PPAT: variants seen among roughly 807,000 people sequenced by gnomAD.
The protein encoded by PPAT is phosphoribosyl pyrophosphate amidotransferase.
Under a neutral mutation model 60.2 loss-of-function variants are expected in PPAT, and 20 were observed. The ratio of observed to expected loss-of-function variants is 0.33; its 90% CI spans 0.23 to 0.48. PPAT has a LOEUF of 0.48. Ranked by LOEUF, PPAT falls within the 20% of genes least tolerant of loss-of-function variation. The pLI is 0.99. For missense variants in PPAT, 349 were observed against 629.6 expected (o/e 0.55, Z 4.77); for synonymous variants, 194 against 215.1 (o/e 0.90, Z 0.86).
chr4:56,396,572 G>A lies in PPAT; in HGVS notation c.1357+47C>T, dbSNP rs939922576. 6.5e-7 allele frequency: 1 copy of A among 1,536,930 alleles called. No homozygotes were observed. The highest frequency in any genetic ancestry group is 2.3e-5 in the East Asian group (1 of 44,314). ...AAGGTGTAAAGACTGTCAAGCTTTG[G>A]ATTTTCTCTGTTAATAATCAAAGTT... On this transcript the variant is annotated intron_variant, in intron 10 of 10. Coordinates refer to ENST00000264220, the MANE Select transcript of PPAT (RefSeq NM_002703.5). This position sits in a 1 kb window ranked among gnomAD's most constrained non-coding sequence, Gnocchi z 4.6.
At chr4:56,425,012 A>G (rs961435718) in intron 1 of PPAT, among the ~76,000 whole-genome samples, 3 of 152,212 alleles carry the variant, frequency 2.0e-5, no homozygotes, top group African/African-American at 7.2e-5. Flanking sequence ...ATCACAAGTG[A>G]AATACCTCAA....
chr4:56,409,584 A>G (rs918751853), intron 1 of PPAT, among the ~76,000 whole-genome samples: 4 of 152,206 alleles, frequency 2.6e-5, no homozygotes, highest in Admixed American at 2.6e-4. Context: ...CAAAATCTAG[A>G]CTGAAGGTAG....
At chr4:56,418,447 A>G (rs568883895) in intron 1 of PPAT, among the ~76,000 whole-genome samples, 7 of 152,088 alleles carry the variant, frequency 4.6e-5, no homozygotes, top group African/African-American at 1.7e-4. Flanking sequence ...AGCCTCCCAA[A>G]TACCTGAGAC....
chr4:56,426,233 T>C (rs1444795969), intron 1 of PPAT, among the ~76,000 whole-genome samples: 1 of 152,026 alleles, frequency 6.6e-6, no homozygotes. Flanking sequence ...AAACCCCATC[T>C]CTACTAAAAA....
At chr4:56,410,394 G>C in intron 1 of PPAT, 2 of 307,568 alleles carry the variant, frequency 6.5e-6, no homozygotes, top group Non-Finnish European at 9.5e-6. Context: ...CCCTCAGGCA[G>C]CTTGAACCAG....
At chr4:56,415,895 C>T (rs938749523) in intron 1 of PPAT, among the ~76,000 whole-genome samples, 1 of 152,046 alleles carries the variant, frequency 6.6e-6, no homozygotes, top group Non-Finnish European at 1.5e-5. Flanking sequence ...CATGGTGAAA[C>T]CTCGTGTCTA....
At chr4:56,409,307 C>A (rs921287725) in intron 1 of PPAT, among the ~76,000 whole-genome samples, 3 of 152,188 alleles carry the variant, frequency 2.0e-5, no homozygotes, top group Non-Finnish European at 4.4e-5. Flanking sequence ...AACCTCTACT[C>A]TTTATAACCC....
Position 56,410,899 on chromosome 4 carries a change from TAAAAAAAAAAAA to T in PPAT, c.129-3195_129-3184del, listed in dbSNP as rs35668849. The T allele has an allele frequency of 1.9e-3, 1,317 of 677,478 alleles. 1 individual carries two copies. Among genetic ancestry groups the T allele is most frequent in the Non-Finnish European group, 2.1e-3 (1,223 of 596,286 alleles). The allele number at this position is 677,478 out of a possible 1,614,324, so 42.0% of individuals were successfully genotyped here. ...GTACAGCCCCAGAGACCACTGAAGG[TAAAAAAAAAAAA>T]AAAAAAAAAAAAAAAAAGAAAAGTA... On this transcript the variant is annotated intron_variant, in intron 1 of 10. Coordinates refer to ENST00000264220, the MANE Select transcript of PPAT (RefSeq NM_002703.5).
chr4:56,419,862 C>G, intron 1 of PPAT: 1 of 984,676 alleles, frequency 1.0e-6, no homozygotes, highest in Non-Finnish European at 1.2e-6. Flanking sequence ...ATACAAAAAC[C>G]TAAAACACGA....
At chr4:56,409,119 G>A (rs1578119491) in intron 1 of PPAT, among the ~76,000 whole-genome samples, 2 of 152,136 alleles carry the variant, frequency 1.3e-5, no homozygotes, top group South Asian at 2.1e-4. Context: ...GATAGCATGC[G>A]TGATATAATT....
chr4:56,407,768 T>C (rs755966322), intron 1 of PPAT, 52 bp from the exon 2 acceptor site: 2 of 1,365,544 alleles, frequency 1.5e-6, no homozygotes, highest in African/African-American at 1.4e-5. Context: ...GATTAGCTTC[T>C]TGAAGAACTT....
At chr4:56,410,933 A>G (rs1168625791) in intron 1 of PPAT, 2 of 936,370 alleles carry the variant, frequency 2.1e-6, no homozygotes, top group Non-Finnish European at 2.5e-6. Flanking sequence ...AAAAAAGAAA[A>G]GTACTCTTGT....
intron 6 of PPAT, 101 bp from the exon 7 acceptor site, chr4:56,401,582 A>T: frequency 9.6e-7 from 1 of 1,046,402 alleles, no homozygotes; most frequent in South Asian, 1.5e-5. Context: ...TCCCTTAGAG[A>T]AACAATTGAT....
At chr4:56,404,629 T>C (rs1410118705) in intron 3 of PPAT, among the ~76,000 whole-genome samples, 2 of 152,200 alleles carry the variant, frequency 1.3e-5, no homozygotes, top group African/African-American at 2.4e-5. Context: ...TGGTTATCTC[T>C]AAGTGGTGAA....
chr4:56,418,421 G>A (rs915295287), intron 1 of PPAT, among the ~76,000 whole-genome samples: 5 of 152,096 alleles, frequency 3.3e-5, no homozygotes, highest in African/African-American at 1.2e-4. Flanking sequence ...CCCGACTCAA[G>A]CAATCCTCCC....
chr4:56,427,962 T>C (rs980345646), intron 1 of PPAT, among the ~76,000 whole-genome samples: 2 of 152,230 alleles, frequency 1.3e-5, no homozygotes, highest in Non-Finnish European at 2.9e-5. Flanking sequence ...CACTTCTCAC[T>C]AAAAGAAATT....
chr4:56,400,541 G>T, intron 8 of PPAT: 1 of 300,836 alleles, frequency 3.3e-6, no homozygotes, highest in African/African-American at 2.2e-5. Context: ...AAAGAAGGGT[G>T]CCAATTTCTG....
chr4:56,406,132 C>T (rs1190710972), intron 3 of PPAT, among the ~76,000 whole-genome samples: 3 of 152,138 alleles, frequency 2.0e-5, no homozygotes, highest in African/African-American at 7.2e-5. Flanking sequence ...GGAAAAATGG[C>T]TTGATTTTTC....
intron 9 of PPAT, 107 bp downstream of exon 9, chr4:56,399,072 A>T: frequency 1.1e-6 from 1 of 939,562 alleles, no homozygotes; most frequent in Non-Finnish European, 1.6e-6. Flanking sequence ...AAAAAAAGTT[A>T]ATTTATTATA....
Sources: gnomAD v4.1 joint callset for allele counts (sites outside exome capture counted in the v4.1 genomes callset) on GRCh38, gnomAD v4.1.1 for gene constraint, Gnocchi (gnomAD v3.1) non-coding constraint, MANE v1.5 for transcripts, NCBI Gene and HGNC (gene_info 2026-07-23, HGNC 2026-07-21) for gene names.